ST6GALNAC3: variants seen among roughly 807,000 people sequenced by gnomAD.
The protein encoded by ST6GALNAC3 is alpha-N-acetylgalactosaminide alpha-2,6-sialyltransferase 3.
Under a neutral mutation model 32.7 loss-of-function variants are expected in ST6GALNAC3, and 25 were observed. The observed-to-expected ratio is 0.76, with a 90% CI of 0.56 to 1.07. ST6GALNAC3 has a LOEUF of 1.07. Ranked by LOEUF, ST6GALNAC3 falls within the 50% of genes least tolerant of loss-of-function variation. The pLI, the probability that ST6GALNAC3 is intolerant of heterozygous loss-of-function variation, is 0.00. For synonymous variants in ST6GALNAC3, 129 were observed against 133.1 expected (o/e 0.97, Z 0.21); for missense variants, 355 against 382.4 (o/e 0.93, Z 0.60).
intron 3 of ST6GALNAC3, among the ~76,000 whole-genome samples, chr1:76,529,515 T>C (rs1462896614): frequency 6.6e-6 from 1 of 152,188 alleles, no homozygotes; most frequent in Non-Finnish European, 1.5e-5. Flanking sequence ...TACATATTAA[T>C]TTTCAACAGC....
chr1:76,107,634 T>G (rs1647627890), intron 1 of ST6GALNAC3, among the ~76,000 whole-genome samples: 1 of 152,242 alleles, frequency 6.6e-6, no homozygotes, highest in African/African-American at 2.4e-5. Flanking sequence ...TTAATCAGTG[T>G]GAGCTTTTTG....
At chr1:76,341,670 T>C (rs377396722) in intron 2 of ST6GALNAC3, among the ~76,000 whole-genome samples, 98 of 142,450 alleles carry the variant, frequency 6.9e-4, no homozygotes, top group African/African-American at 2.4e-3. Flanking sequence ...TCTTTCTTTC[T>C]TTCTTTCTTT....
At chr1:76,157,605 G>T (rs1197341837) in intron 1 of ST6GALNAC3, among the ~76,000 whole-genome samples, 12 of 152,036 alleles carry the variant, frequency 7.9e-5, no homozygotes, top group Non-Finnish European at 1.2e-4. Flanking sequence ...AGATTGCTTT[G>T]TCACATGCTG....
Position 76,442,106 on chromosome 1 carries a change from T to G in ST6GALNAC3, c.623+29689T>G, listed in dbSNP as rs577737588. Among the ~76,000 whole-genome samples, 610 of 152,324 alleles carry G rather than the reference T, an allele frequency of 4.0e-3. 5 individuals are homozygous for G. Among genetic ancestry groups the G allele is most frequent in the African/African-American group, 0.014 (585 of 41,564 alleles). ...TGAGAGGCTGAGACCTTGAATTGTG[T>G]GTCCTGAGTCAGGTAAATTTATCTC... On this transcript the variant is annotated intron_variant, in intron 3 of 4. Coordinates refer to ENST00000328299, the MANE Select transcript of ST6GALNAC3 (RefSeq NM_152996.4).
intron 3 of ST6GALNAC3, among the ~76,000 whole-genome samples, chr1:76,491,944 C>T (rs963850174): frequency 1.3e-5 from 2 of 152,144 alleles, no homozygotes; most frequent in Non-Finnish European, 2.9e-5. Flanking sequence ...AGATCATTTT[C>T]GTCTCTGATA....
At chr1:76,393,816 C>T (rs12029184) in intron 2 of ST6GALNAC3, among the ~76,000 whole-genome samples, 31,391 of 151,664 alleles carry the variant, frequency 0.21, 3,854 homozygotes, top group East Asian at 0.6. Flanking sequence ...ATCCTGGTAA[C>T]AAGAGAGTCT....
At chr1:76,414,663 A>G (rs1198144891) in intron 3 of ST6GALNAC3, among the ~76,000 whole-genome samples, 1 of 152,094 alleles carries the variant, frequency 6.6e-6, no homozygotes. Flanking sequence ...TTGAATAATT[A>G]TTAATTCATG....
At chr1:76,445,284 C>G (rs1231257626) in intron 3 of ST6GALNAC3, among the ~76,000 whole-genome samples, 2 of 152,132 alleles carry the variant, frequency 1.3e-5, no homozygotes, top group Admixed American at 6.5e-5. Context: ...GTAGCAGCAT[C>G]TAGCATCTCC....
At chr1:76,525,805 A>G (rs1483220267) in intron 3 of ST6GALNAC3, among the ~76,000 whole-genome samples, 2,348 of 82,926 alleles carry the variant, frequency 0.028, 133 homozygotes, top group African/African-American at 0.088. Context: ...ATATATATAT[A>G]TATATATATA....
intron 1 of ST6GALNAC3, among the ~76,000 whole-genome samples, chr1:76,270,114 A>G (rs1658754034): frequency 6.6e-6 from 1 of 152,218 alleles, no homozygotes; most frequent in South Asian, 2.1e-4. Context: ...TAAAGAATTC[A>G]TAAAGTTGAA....
At chr1:76,351,109 G>A (rs995729617) in intron 2 of ST6GALNAC3, among the ~76,000 whole-genome samples, 10 of 152,236 alleles carry the variant, frequency 6.6e-5, no homozygotes, top group Non-Finnish European at 1.2e-4. Flanking sequence ...TTGAGTGTGC[G>A]TGTCTCCATT....
At chr1:76,237,525 C>T (rs746315292) in intron 1 of ST6GALNAC3, among the ~76,000 whole-genome samples, 1 of 152,118 alleles carries the variant, frequency 6.6e-6, no homozygotes, top group African/African-American at 2.4e-5. Context: ...ATATACTTCC[C>T]TATATCAAGC....
At chr1:76,299,958 G>C (rs1660633035) in intron 1 of ST6GALNAC3, among the ~76,000 whole-genome samples, 1 of 151,978 alleles carries the variant, frequency 6.6e-6, no homozygotes, top group Non-Finnish European at 1.5e-5. Flanking sequence ...AACTGGCTCA[G>C]TGGACATTTA....
intron 3 of ST6GALNAC3, among the ~76,000 whole-genome samples, chr1:76,458,563 T>G (rs1658024192): frequency 6.8e-6 from 1 of 147,798 alleles, no homozygotes; most frequent in Non-Finnish European, 1.5e-5. Context: ...CCATAAAAAA[T>G]GATGAATTCA....
intron 2 of ST6GALNAC3, among the ~76,000 whole-genome samples, chr1:76,366,485 G>T (rs931159693): frequency 5.3e-5 from 8 of 152,064 alleles, no homozygotes; most frequent in Non-Finnish European, 2.9e-5. Flanking sequence ...TAAATATAAG[G>T]CTACTGACTG....
At chr1:76,189,307 T>TACC (rs1653759259) in intron 1 of ST6GALNAC3, among the ~76,000 whole-genome samples, 1 of 152,222 alleles carries the variant, frequency 6.6e-6, no homozygotes, top group Non-Finnish European at 1.5e-5. Context: ...TGCCTATGGT[T>TACC]ACCACCACCA....
intron 3 of ST6GALNAC3, among the ~76,000 whole-genome samples, chr1:76,496,049 A>T (rs1230139645): frequency 1.3e-5 from 2 of 152,164 alleles, no homozygotes; most frequent in Non-Finnish European, 2.9e-5. Context: ...TCCAAATCAA[A>T]ATTGCAATTA....
At chr1:76,089,967 G>T (rs915504062) in intron 1 of ST6GALNAC3, among the ~76,000 whole-genome samples, 1 of 152,184 alleles carries the variant, frequency 6.6e-6, no homozygotes, top group African/African-American at 2.4e-5. Context: ...CTCAGAGAAG[G>T]TAAGAGTAAG....
At chr1:76,080,395 G>T (rs1646877100) in intron 1 of ST6GALNAC3, among the ~76,000 whole-genome samples, 1 of 152,052 alleles carries the variant, frequency 6.6e-6, no homozygotes, top group Non-Finnish European at 1.5e-5. Flanking sequence ...CTAATGTATA[G>T]CAGGCAGATT....
Sources: allele counts gnomAD v4.1 joint callset (sites outside exome capture counted in the v4.1 genomes callset), GRCh38; gene constraint gnomAD v4.1.1; transcripts MANE v1.5; gene names NCBI Gene and HGNC (gene_info 2026-07-23, HGNC 2026-07-21).